TTC28: variants seen among roughly 807,000 people sequenced by gnomAD.
TTC28 encodes the protein tetratricopeptide repeat protein 28.
In TTC28, 61 loss-of-function variants were observed where a neutral mutation model predicts 198.0. That is an observed-to-expected ratio of 0.31 (90% CI 0.25 to 0.38). TTC28 has a LOEUF of 0.38. Among genes scored for constraint, TTC28 ranks in the 10% least tolerant of loss-of-function variants. The probability of loss-of-function intolerance (pLI) is 1.00; values close to 1 mark genes in which losing one functional copy is unlikely to be tolerated. For missense variants in TTC28, 2,678 were observed against 3,164.0 expected (o/e 0.85, Z 3.69); for synonymous variants, 1,171 against 1,297.8 (o/e 0.90, Z 2.10).
At chr22:28,291,348 C>T (rs985720630) in intron 5 of TTC28, among the ~76,000 whole-genome samples, 1 of 151,912 alleles carries the variant, frequency 6.6e-6, no homozygotes, top group Admixed American at 6.6e-5. Flanking sequence ...AGAATCAGAC[C>T]AATACAAAAT....
chr22:28,220,772 C>T (rs991111994), intron 5 of TTC28, among the ~76,000 whole-genome samples: 1 of 152,160 alleles, frequency 6.6e-6, no homozygotes, highest in Non-Finnish European at 1.5e-5. Flanking sequence ...ACGGATCACA[C>T]AAGGGCATGA....
chr22:28,066,739 C>A (rs568884815), intron 12 of TTC28, among the ~76,000 whole-genome samples: 118 of 152,216 alleles, frequency 7.8e-4, no homozygotes, highest in African/African-American at 2.7e-3. Context: ...AAATGCAAAC[C>A]TGCCTATTCC....
chr22:28,161,919 G>GAGGA (rs1357452130), intron 6 of TTC28, among the ~76,000 whole-genome samples: 1 of 136,382 alleles, frequency 7.3e-6, no homozygotes, highest in Admixed American at 7.2e-5. Context: ...GGGAGGGAGG[G>GAGGA]AAGGAGGGAG....
intron 2 of TTC28, among the ~76,000 whole-genome samples, chr22:28,337,563 C>A (rs1340856733): frequency 2.6e-5 from 4 of 152,196 alleles, no homozygotes; most frequent in Non-Finnish European, 1.5e-5. Context: ...GTTAGCTCTT[C>A]TTGTTGAATT....
chr22:28,187,477 A>G (rs1924306274), intron 5 of TTC28, among the ~76,000 whole-genome samples: 1 of 151,780 alleles, frequency 6.6e-6, no homozygotes, highest in African/African-American at 2.4e-5. Context: ...CACTATACAC[A>G]ACCACTATAT....
chr22:28,650,550 A>G (rs2051548593), intron 1 of TTC28, among the ~76,000 whole-genome samples: 1 of 152,240 alleles, frequency 6.6e-6, no homozygotes, highest in African/African-American at 2.4e-5. Flanking sequence ...AATATGATCA[A>G]AAGAAACCTG....
chr22:28,245,554 AGAAAT>A (rs1339265331), intron 5 of TTC28, among the ~76,000 whole-genome samples: 2 of 152,320 alleles, frequency 1.3e-5, no homozygotes, highest in Admixed American at 1.3e-4. Flanking sequence ...ACATCACAAA[AGAAAT>A]GAACATTTCA....
chr22:28,009,797 T>C (rs374832073), intron 14 of TTC28, among the ~76,000 whole-genome samples: 1 of 152,224 alleles, frequency 6.6e-6, no homozygotes, highest in Non-Finnish European at 1.5e-5. Context: ...CTGGCACAAG[T>C]CAGTAAATAT....
At chr22:28,469,556 A>G (rs1468456850) in intron 2 of TTC28, among the ~76,000 whole-genome samples, 1 of 152,202 alleles carries the variant, frequency 6.6e-6, no homozygotes, top group Non-Finnish European at 1.5e-5. Flanking sequence ...TATAAGAGGG[A>G]GGCAGAGGGA....
chr22:28,336,156 T>G (rs2045713345), intron 2 of TTC28, among the ~76,000 whole-genome samples: 1 of 152,234 alleles, frequency 6.6e-6, no homozygotes, highest in South Asian at 2.1e-4. Flanking sequence ...GATTTGTGTA[T>G]GCTGAACCAG....
chr22:28,030,128 A>C, intron 13 of TTC28, 98 bp downstream of exon 13: 1 of 1,477,082 alleles, frequency 6.8e-7, no homozygotes, highest in Non-Finnish European at 9.0e-7. Context: ...ACGAGCCAGA[A>C]GCCTAACCAG....
intron 12 of TTC28, among the ~76,000 whole-genome samples, chr22:28,032,194 TATATATATAAAATATATATATATAAA>T (rs1939130989): frequency 8.6e-6 from 1 of 116,204 alleles, no homozygotes; most frequent in Non-Finnish European, 1.8e-5. Flanking sequence ...ATATAAAATA[TATATATATAAAATATATATATATAAA>T]ATATATATAT....
chr22:28,178,705 G>A (rs1023795453), intron 5 of TTC28, among the ~76,000 whole-genome samples: 4 of 152,154 alleles, frequency 2.6e-5, no homozygotes, highest in African/African-American at 4.8e-5. Flanking sequence ...CCACCAGTTT[G>A]TAAAATCTAA....
chr22:28,312,034 CAAA>C (rs200319220), intron 2 of TTC28, among the ~76,000 whole-genome samples: 1 of 90,060 alleles, frequency 1.1e-5, no homozygotes, highest in Non-Finnish European at 2.4e-5. Flanking sequence ...AAATAGAAAG[CAAA>C]AAAAAAAAAA....
At chr22:28,261,125 C>T (rs1569227036) in intron 5 of TTC28, among the ~76,000 whole-genome samples, 1 of 152,110 alleles carries the variant, frequency 6.6e-6, no homozygotes, top group East Asian at 1.9e-4. Flanking sequence ...TTTAGGCTCT[C>T]TTGATTCCTC....
intron 2 of TTC28, among the ~76,000 whole-genome samples, chr22:28,530,599 C>T (rs1291167493): frequency 2.6e-5 from 4 of 151,988 alleles, no homozygotes; most frequent in East Asian, 1.9e-4. Context: ...CTCTAAGACA[C>T]GTAATTGTCA....
intron 2 of TTC28, among the ~76,000 whole-genome samples, chr22:28,601,828 G>GTAGTT (rs1205629807): frequency 7.1e-6 from 1 of 141,418 alleles, no homozygotes; most frequent in Non-Finnish European, 1.6e-5. Flanking sequence ...TTCTGGGTAT[G>GTAGTT]TAGCTCTCTC....
chr22:28,136,026 T>C (rs1355477272), intron 6 of TTC28, among the ~76,000 whole-genome samples: 2 of 152,224 alleles, frequency 1.3e-5, no homozygotes, highest in African/African-American at 4.8e-5. Context: ...AATACTATTG[T>C]AAAACACAAT....
intron 9 of TTC28, among the ~76,000 whole-genome samples, chr22:28,100,029 A>G (rs534285859): frequency 9.2e-5 from 14 of 152,338 alleles, no homozygotes; most frequent in African/African-American, 2.9e-4. Context: ...CTCCTCCATC[A>G]GTGAGGCCAT....
Sources: allele counts gnomAD v4.1 joint callset (sites outside exome capture counted in the v4.1 genomes callset), GRCh38; gene constraint gnomAD v4.1.1; transcripts MANE v1.5; gene names NCBI Gene and HGNC (gene_info 2026-07-23, HGNC 2026-07-21).